Variants in SRR observed in about 807,000 individuals in gnomAD.
SRR encodes serine racemase, also known as D-serine ammonia-lyase.
SRR carries 19 observed loss-of-function variants against 32.7 expected under a neutral mutation model. The ratio of observed to expected loss-of-function variants is 0.58; its 90% CI spans 0.40 to 0.85. SRR has a LOEUF of 0.85. SRR is among the 40% of genes least tolerant of loss of function. The pLI, the probability that SRR is intolerant of heterozygous loss-of-function variation, is 0.00. For synonymous variants in SRR, 142 were observed against 140.9 expected, an observed-to-expected ratio of 1.01 and a Z score of -0.06; for missense variants, 373 against 404.7, an observed-to-expected ratio of 0.92 and a Z score of 0.67.
At chr17:2,305,540 C>T (rs976318579) in intron 1 of SRR, among the ~76,000 whole-genome samples, 1 of 151,944 alleles carries the variant, frequency 6.6e-6, no homozygotes, top group African/African-American at 2.4e-5. Flanking sequence ...CAGCTGACTG[C>T]AGAAGAGCAA....
chr17:2,303,804 CT>C, upstream of SRR: 1 of 1,131,604 alleles, frequency 8.8e-7, no homozygotes, highest in Non-Finnish European at 1.2e-6. Context: ...GGCGCGCGCG[CT>C]CGCCCACCTC....
Position 2,324,330 on chromosome 17 carries a change from A to AT in SRR, c.*461dup. 1 of 1,564,864 alleles carries AT rather than the reference A, an allele frequency of 6.4e-7. No individual in the cohort carries two copies. The highest frequency in any genetic ancestry group is 8.6e-7 in the Non-Finnish European group (1 of 1,159,126). On this transcript the variant is annotated 3_prime_UTR_variant, in exon 8 of 8. Transcript: ENST00000344595. ...AGGTTCATCAGTACTGTGTCTTGAG[A>AT]TTTTAGCTTCCCATCAAAGCTGCAT... is the stretch of plus-strand genomic sequence containing the variant.
rs538310602 is a variant in SRR, at chr17:2,306,184, C to T, written c.-5+2167C>T. Among the ~76,000 whole-genome samples the T allele has an allele frequency of 2.4e-4, 36 of 151,476 alleles. No individual in the cohort carries two copies. The South Asian group carries it at 6.7e-3, about 28-fold the overall frequency. ...CAAAAAAATTAGCTGGGTGTGGTGG[C>T]GGGCACCTGTAGTCCCAGCTACTTG... is the stretch of plus-strand genomic sequence containing the variant. On this transcript the variant is annotated intron_variant, in intron 1 of 7. Coordinates refer to ENST00000344595, the MANE Select transcript of SRR (RefSeq NM_021947.3).
chr17:2,324,389 G>C lies in SRR; in HGVS notation c.*516G>C, dbSNP rs773747384. The C allele has an allele frequency of 1.3e-6, 2 of 1,589,370 alleles. No homozygotes were observed. Among genetic ancestry groups the C allele is most frequent in the Non-Finnish European group, 1.7e-6 (2 of 1,169,134 alleles). On this transcript the variant is annotated 3_prime_UTR_variant, in exon 8 of 8. Coordinates refer to ENST00000344595, the MANE Select transcript of SRR (RefSeq NM_021947.3). ...GCCATGGGTACCTAGAAAGACATCA[G>C]AACAAGTCGGTCAAATTAAAAGTAG... is the stretch of plus-strand genomic sequence containing the variant.
At chr17:2,312,147 T>C (rs2075437855) in intron 1 of SRR, among the ~76,000 whole-genome samples, 1 of 150,602 alleles carries the variant, frequency 6.6e-6, no homozygotes, top group Admixed American at 6.6e-5. Flanking sequence ...GCTCAAGAGT[T>C]TGAAGCTGCA....
intron 1 of SRR, chr17:2,307,473 T>C: frequency 6.9e-7 from 1 of 1,439,574 alleles, no homozygotes; most frequent in Non-Finnish European, 9.6e-7. Flanking sequence ...GTGGATATCG[T>C]GCAGTGGGGA....
intron 1 of SRR, among the ~76,000 whole-genome samples, chr17:2,314,934 T>A (rs2075460901): frequency 1.3e-5 from 2 of 151,694 alleles, no homozygotes; most frequent in Non-Finnish European, 2.9e-5. Flanking sequence ...TTCAAGTAGC[T>A]TCACAACGAT....
At chr17:2,321,714 C>A in intron 6 of SRR, 98 bp downstream of exon 6, 1 of 1,071,440 alleles carries the variant, frequency 9.3e-7, no homozygotes, top group South Asian at 1.3e-5. Flanking sequence ...CACACATTAC[C>A]ATTCCTTCCC....
chr17:2,303,893 G>T (rs931842855), upstream of SRR: 6 of 527,022 alleles, frequency 1.1e-5, no homozygotes, highest in Non-Finnish European at 1.3e-5. Flanking sequence ...GCCCGCCGCC[G>T]GTTCCAGAGG....
rs2075546497 is a variant in SRR, at chr17:2,323,038, T to C, written c.595-98T>C. ...CCTCGGGCTCCCAAAGTGTTGGGAT[T>C]ACAGGTGTGAGCCACCACACCAGGC... On this transcript the variant is annotated intron_variant, in intron 6 of 7. Transcript: ENST00000344595. 11 of 1,277,678 alleles carry C rather than the reference T, an allele frequency of 8.6e-6. No homozygotes were observed. In the South Asian group the frequency reaches 1.4e-4, roughly 16 times the overall value. 79.1% of individuals were successfully genotyped at this position (1,277,678 alleles called of 1,614,324 possible).
chr17:2,318,122 C>G, intron 3 of SRR, 126 bp downstream of exon 3: 1 of 1,094,364 alleles, frequency 9.1e-7, no homozygotes, highest in Non-Finnish European at 1.3e-6. Flanking sequence ...TGATTGCAAG[C>G]AATATGAACA....
At chr17:2,319,918 C>T (rs1327296488) in intron 4 of SRR, among the ~76,000 whole-genome samples, 1 of 148,370 alleles carries the variant, frequency 6.7e-6, no homozygotes, top group Non-Finnish European at 1.5e-5. Context: ...TCCTGGGTTC[C>T]AGCGATTCTC....
At chr17:2,309,336 A>C (rs9910614) in intron 1 of SRR, among the ~76,000 whole-genome samples, 3,498 of 152,224 alleles carry the variant, frequency 0.023, 124 homozygotes, top group African/African-American at 0.078. Context: ...TCCTATAATG[A>C]ACATGTATGG....
chr17:2,306,028 T>C (rs1056351175), intron 1 of SRR, among the ~76,000 whole-genome samples: 2 of 143,058 alleles, frequency 1.4e-5, no homozygotes, highest in African/African-American at 5.0e-5. Flanking sequence ...GTAAAAATTG[T>C]ACAAGTTGGC....
chr17:2,303,762 C>T (rs890371067), upstream of SRR: 4 of 1,468,838 alleles, frequency 2.7e-6, no homozygotes, highest in Admixed American at 2.3e-5. Flanking sequence ...CCGCCACCGC[C>T]GCGCGCAGCC....
intron 4 of SRR, 86 bp from the exon 5 acceptor site, chr17:2,321,220 G>A: frequency 2.0e-6 from 3 of 1,512,748 alleles, no homozygotes; most frequent in Non-Finnish European, 2.7e-6. Context: ...AAAGTAGATG[G>A]TCAATAAAAT....
intron 4 of SRR, among the ~76,000 whole-genome samples, chr17:2,319,944 G>A (rs923059222): frequency 5.3e-5 from 8 of 150,246 alleles, no homozygotes; most frequent in African/African-American, 2.0e-4. Context: ...TCAGCCTCCC[G>A]AGTAGCTGGG....
chr17:2,323,891 G>A lies in SRR; in HGVS notation c.*18G>A. ...CTGTTTAATTTACAGAAAAGGAAAT[G>A]GTGGGAATTCAGTGTCTTTAGATAC... On this transcript the variant is annotated 3_prime_UTR_variant, in exon 8 of 8. Transcript: ENST00000344595. 6.2e-7 allele frequency: 1 copy of A among 1,607,422 alleles called. No individual in the cohort carries two copies. The highest frequency in any genetic ancestry group is 8.5e-7 in the Non-Finnish European group (1 of 1,174,654).
At chr17:2,316,167 T>C (rs1318061833) in intron 2 of SRR, among the ~76,000 whole-genome samples, 4 of 152,132 alleles carry the variant, frequency 2.6e-5, no homozygotes, top group South Asian at 2.1e-4. Context: ...CTGCCTACAG[T>C]ATTCAGTACA....
Sources: gnomAD v4.1 joint callset for allele counts (sites outside exome capture counted in the v4.1 genomes callset) on GRCh38, gnomAD v4.1.1 for gene constraint, MANE v1.5 for transcripts, NCBI Gene and HGNC (gene_info 2026-07-23, HGNC 2026-07-21) for gene names.